TMEM132B: variants seen among roughly 807,000 people sequenced by gnomAD.
TMEM132B encodes transmembrane protein 132B.
TMEM132B carries 18 observed loss-of-function variants against 90.8 expected under a neutral mutation model. That is an observed-to-expected ratio of 0.20 (90% CI 0.14 to 0.29). TMEM132B has a LOEUF of 0.29. Ranked by LOEUF, TMEM132B falls within the 10% of genes least tolerant of loss-of-function variation. The pLI is 1.00. For missense variants in TMEM132B, 1,096 were observed against 1,326.8 expected, an observed-to-expected ratio of 0.83 and a Z score of 2.70; for synonymous variants, 504 against 523.3, an observed-to-expected ratio of 0.96 and a Z score of 0.50.
intron 3 of TMEM132B, among the ~76,000 whole-genome samples, chr12:125,468,920 A>C (rs945168930): frequency 1.3e-5 from 2 of 152,238 alleles, no homozygotes; most frequent in Admixed American, 1.3e-4. Flanking sequence ...ATAGAAACAC[A>C]ACTGATTTTT....
chr12:125,340,576 A>G (rs1450712167), intron 1 of TMEM132B, among the ~76,000 whole-genome samples: 3 of 152,298 alleles, frequency 2.0e-5, no homozygotes, highest in African/African-American at 4.8e-5. Flanking sequence ...TTGTATTTCA[A>G]ATTGTGTGCA....
At chr12:125,454,114 T>C (rs1426960012) in intron 3 of TMEM132B, among the ~76,000 whole-genome samples, 1 of 152,104 alleles carries the variant, frequency 6.6e-6, no homozygotes, top group African/African-American at 2.4e-5. Context: ...GACCCACCTA[T>C]GTAGATGATG....
At position 125,579,347 on chromosome 12, in the gene TMEM132B, A is replaced by G. The variant is rs185243158; in HGVS notation, c.1294-4504A>G. On this transcript the variant is annotated intron_variant, in intron 4 of 8. Coordinates refer to ENST00000682704, the MANE Select transcript of TMEM132B (RefSeq NM_001366854.1). ...ATTGATATTCTCTCTTTGGTGAGAC[A>G]GCTTTCTCATACTTGCTTTTTTTTT... Among the ~76,000 whole-genome samples the G allele has an allele frequency of 7.4e-5, 11 of 149,250 alleles. No homozygotes were observed. The East Asian group carries it at 1.8e-3, about 24-fold the overall frequency.
At chr12:125,603,407 A>T (rs1288634460) in intron 5 of TMEM132B, among the ~76,000 whole-genome samples, 1 of 152,174 alleles carries the variant, frequency 6.6e-6, no homozygotes, top group Non-Finnish European at 1.5e-5. Flanking sequence ...TATGCAGAAA[A>T]CTAAAACTGG....
At chr12:125,643,820 A>G (rs1886689439) in intron 5 of TMEM132B, among the ~76,000 whole-genome samples, 1 of 152,244 alleles carries the variant, frequency 6.6e-6, no homozygotes, top group South Asian at 2.1e-4. Flanking sequence ...AACAGAGGTT[A>G]TATAACTCCA....
chr12:125,243,238 A>G (rs1874129707), intron 1 of TMEM132B, among the ~76,000 whole-genome samples: 1 of 147,588 alleles, frequency 6.8e-6, no homozygotes, highest in East Asian at 2.0e-4. Flanking sequence ...CTGCCTCCTG[A>G]GTTCAAGGAT....
At chr12:125,436,771 C>T (rs1289921161) in intron 3 of TMEM132B, among the ~76,000 whole-genome samples, 1 of 152,184 alleles carries the variant, frequency 6.6e-6, no homozygotes, top group Non-Finnish European at 1.5e-5. Flanking sequence ...CCCAAGAGGC[C>T]AATCCACTTG....
chr12:125,313,322 T>C (rs1252220745), intron 1 of TMEM132B, among the ~76,000 whole-genome samples: 1 of 152,184 alleles, frequency 6.6e-6, no homozygotes, highest in Non-Finnish European at 1.5e-5. Flanking sequence ...AATTCCTAGA[T>C]GGTTAGTTAT....
intron 6 of TMEM132B, among the ~76,000 whole-genome samples, chr12:125,646,214 A>T (rs1435352236): frequency 6.6e-6 from 1 of 152,190 alleles, no homozygotes; most frequent in African/African-American, 2.4e-5. Context: ...GTGAGGTCAG[A>T]TAGTTAGCTG....
intron 1 of TMEM132B, among the ~76,000 whole-genome samples, chr12:125,232,091 C>A (rs1262982003): frequency 1.3e-5 from 2 of 152,172 alleles, no homozygotes; most frequent in Admixed American, 6.5e-5. Flanking sequence ...ATATATAGAT[C>A]TACCTTACCC....
intron 3 of TMEM132B, among the ~76,000 whole-genome samples, chr12:125,461,383 C>A (rs1350814221): frequency 6.6e-6 from 1 of 152,208 alleles, no homozygotes; most frequent in African/African-American, 2.4e-5. Flanking sequence ...GGGTCAAACC[C>A]ACACATGCTC....
At chr12:125,589,285 A>T (rs1885255797) in intron 5 of TMEM132B, among the ~76,000 whole-genome samples, 2 of 152,038 alleles carry the variant, frequency 1.3e-5, no homozygotes, top group South Asian at 4.1e-4. Context: ...GATCGAGACC[A>T]TCCTGGCTAA....
chr12:125,269,356 C>T (rs1448069247), intron 1 of TMEM132B, among the ~76,000 whole-genome samples: 2 of 152,204 alleles, frequency 1.3e-5, no homozygotes, highest in African/African-American at 4.8e-5. Flanking sequence ...GTGACAAATG[C>T]AGGCCCTTTG....
At chr12:125,622,450 T>C (rs1886132410) in intron 5 of TMEM132B, 1 of 985,396 alleles carries the variant, frequency 1.0e-6, no homozygotes, top group Non-Finnish European at 1.2e-6. Context: ...AGTAGAACTT[T>C]CATAGCCAGG....
At chr12:125,545,300 G>A (rs1314962085) in intron 4 of TMEM132B, among the ~76,000 whole-genome samples, 1 of 152,286 alleles carries the variant, frequency 6.6e-6, no homozygotes, top group Admixed American at 6.5e-5. Context: ...TTGTGGCTGC[G>A]ATAAACCTTT....
chr12:125,223,804 A>G (rs958907381), intron 1 of TMEM132B, among the ~76,000 whole-genome samples: 6 of 151,056 alleles, frequency 4.0e-5, no homozygotes, highest in Admixed American at 1.3e-4. Flanking sequence ...TTTTTTTTTC[A>G]GAGACAGAGT....
At chr12:125,551,056 G>A (rs1293670169) in intron 4 of TMEM132B, among the ~76,000 whole-genome samples, 3 of 152,204 alleles carry the variant, frequency 2.0e-5, no homozygotes, top group Non-Finnish European at 4.4e-5. Flanking sequence ...CAGGTGATCC[G>A]CCCGCCTCGG....
chr12:125,365,071 C>T (rs1447685899), intron 2 of TMEM132B, among the ~76,000 whole-genome samples: 1 of 151,454 alleles, frequency 6.6e-6, no homozygotes, highest in Non-Finnish European at 1.5e-5. Context: ...TTGGGGTTAC[C>T]ACTTTATTAT....
At chr12:125,499,974 A>AC (rs1442960840) in intron 3 of TMEM132B, among the ~76,000 whole-genome samples, 1 of 152,170 alleles carries the variant, frequency 6.6e-6, no homozygotes, top group Non-Finnish European at 1.5e-5. Context: ...TAATCAAATG[A>AC]CCCTAAATCC....
Sources: allele counts gnomAD v4.1 joint callset (sites outside exome capture counted in the v4.1 genomes callset), GRCh38; gene constraint gnomAD v4.1.1; transcripts MANE v1.5; gene names NCBI Gene and HGNC (gene_info 2026-07-23, HGNC 2026-07-21).